The following CFAP54 variants were observed in gnomAD, a reference collection of about 807,000 sequenced individuals.
CFAP54 encodes cilia- and flagella-associated protein 54.
Under a neutral mutation model 370.4 loss-of-function variants are expected in CFAP54, and 290 were observed. That is an observed-to-expected ratio of 0.78 (90% CI 0.71 to 0.86). The LOEUF is 0.86. Among genes scored for constraint, CFAP54 ranks in the 40% least tolerant of loss-of-function variants. CFAP54 has a pLI of 0.00. For synonymous variants in CFAP54, 1,206 were observed against 1,236.5 expected, an observed-to-expected ratio of 0.98 and a Z score of 0.52; for missense variants, 3,399 against 3,528.7, an observed-to-expected ratio of 0.96 and a Z score of 0.93.
intron 40 of CFAP54, among the ~76,000 whole-genome samples, chr12:96,681,450 T>C (rs1957270678): frequency 6.6e-6 from 1 of 151,080 alleles, no homozygotes; most frequent in East Asian, 2.0e-4. Context: ...AGAGGCACAC[T>C]AACACCTTAC....
At chr12:96,624,389 A>C (rs1202026986) in intron 28 of CFAP54, among the ~76,000 whole-genome samples, 1 of 152,240 alleles carries the variant, frequency 6.6e-6, no homozygotes, top group Non-Finnish European at 1.5e-5. Flanking sequence ...ATAAAGGAAT[A>C]GTGTGAGTGT....
At chr12:96,541,982 G>T (rs1955579697) in intron 14 of CFAP54, among the ~76,000 whole-genome samples, 1 of 151,314 alleles carries the variant, frequency 6.6e-6, no homozygotes, top group African/African-American at 2.4e-5. Context: ...ATGGCCTTCT[G>T]CTCTGACCTC....
intron 33 of CFAP54, chr12:96,646,462 G>A (rs924843766): frequency 7.2e-5 from 11 of 152,190 alleles, no homozygotes; most frequent in Non-Finnish European, 1.3e-4. Context: ...GTGCTGGAGA[G>A]GATGTGGAGA....
chr12:96,789,307 G>A (rs780808557), intron 62 of CFAP54, among the ~76,000 whole-genome samples: 1 of 152,218 alleles, frequency 6.6e-6, no homozygotes, highest in Non-Finnish European at 1.5e-5. Flanking sequence ...GAGTGAGGAC[G>A]TGAACAGGCC....
At chr12:96,603,980 C>T (rs1956272988) in intron 26 of CFAP54, among the ~76,000 whole-genome samples, 1 of 152,294 alleles carries the variant, frequency 6.6e-6, no homozygotes, top group Non-Finnish European at 1.5e-5. Flanking sequence ...ACTCATTCTC[C>T]ATCTGGTTTT....
intron 26 of CFAP54, among the ~76,000 whole-genome samples, chr12:96,605,096 T>C (rs1209629748): frequency 6.6e-6 from 1 of 152,246 alleles, no homozygotes; most frequent in Non-Finnish European, 1.5e-5. Flanking sequence ...GCTGTTCCGA[T>C]TCAGCCATCT....
intron 32 of CFAP54, among the ~76,000 whole-genome samples, chr12:96,638,570 A>G (rs556844151): frequency 6.6e-6 from 1 of 152,024 alleles, no homozygotes; most frequent in South Asian, 2.1e-4. Context: ...AATTGTTTTC[A>G]TTCTCATTTA....
intron 64 of CFAP54, among the ~76,000 whole-genome samples, chr12:96,812,613 A>G (rs1486231103): frequency 6.6e-6 from 1 of 152,214 alleles, no homozygotes; most frequent in Non-Finnish European, 1.5e-5. Flanking sequence ...GTGTGTGAAC[A>G]TGCTTTGAAA....
At chr12:96,631,673 AATAAC>A (rs1055246111) in intron 32 of CFAP54, among the ~76,000 whole-genome samples, 31 of 149,816 alleles carry the variant, frequency 2.1e-4, no homozygotes, top group Middle Eastern at 3.6e-3. Context: ...CATAAATATA[AATAAC>A]ATAATTTAAC....
intron 63 of CFAP54, among the ~76,000 whole-genome samples, chr12:96,798,459 A>G (rs1223159759): frequency 6.6e-6 from 1 of 151,408 alleles, no homozygotes; most frequent in Non-Finnish European, 1.5e-5. Context: ...TGCTGTTGAG[A>G]GTTAAGCCGT....
At chr12:96,586,585 A>G (rs966852393) in intron 22 of CFAP54, among the ~76,000 whole-genome samples, 1 of 152,164 alleles carries the variant, frequency 6.6e-6, no homozygotes, top group African/African-American at 2.4e-5. Flanking sequence ...CAAAAGCCCT[A>G]AGGTTTTCAG....
At chr12:96,601,888 T>C (rs1226639855) in intron 26 of CFAP54, among the ~76,000 whole-genome samples, 2 of 152,196 alleles carry the variant, frequency 1.3e-5, no homozygotes, top group African/African-American at 4.8e-5. Flanking sequence ...TCAATTCTGT[T>C]GATCTTTTCA....
At chr12:96,604,970 T>A (rs775346170) in intron 26 of CFAP54, among the ~76,000 whole-genome samples, 2 of 152,186 alleles carry the variant, frequency 1.3e-5, no homozygotes, top group Non-Finnish European at 2.9e-5. Flanking sequence ...TGGCTGGCCC[T>A]CCATGGGCTG....
At chr12:96,659,775 C>T (rs1210168963) in intron 38 of CFAP54, among the ~76,000 whole-genome samples, 1 of 152,206 alleles carries the variant, frequency 6.6e-6, no homozygotes, top group East Asian at 1.9e-4. Flanking sequence ...CCAAGGGCCC[C>T]TGGCATACGT....
chr12:96,799,513 C>G (rs1309322874), intron 63 of CFAP54, among the ~76,000 whole-genome samples: 1 of 152,214 alleles, frequency 6.6e-6, no homozygotes, highest in Non-Finnish European at 1.5e-5. Context: ...GCCTGCCTCT[C>G]TTTGTTCTCC....
At chr12:96,605,902 C>G (rs80130067) in intron 26 of CFAP54, among the ~76,000 whole-genome samples, 31 of 152,022 alleles carry the variant, frequency 2.0e-4, no homozygotes, top group Non-Finnish European at 3.7e-4. Context: ...CTACTGAGAC[C>G]AAGCAGGTAA....
In CFAP54 at chr12:96,663,982, G is replaced by A. The variant is rs150208823; in HGVS notation, c.5563+50G>A. On this transcript the variant is annotated intron_variant, in intron 39 of 67. Coordinates refer to ENST00000524981, the MANE Select transcript of CFAP54 (RefSeq NM_001306084.2). The stretch of plus-strand genomic sequence containing the variant: ...GTTTGTTTTCTCTAAATCGAGGTTT[G>A]CCATTGTGTTCTGCATGTCAAACCT... The A allele has an allele frequency of 4.3e-5, 60 of 1,392,654 alleles. No homozygotes were observed. The African/African-American group carries it at 6.0e-4, about 14-fold the overall frequency. The allele number at this position is 1,392,654 out of a possible 1,614,324, so 86.3% of individuals were successfully genotyped here. A position where few individuals can be genotyped will look rare whatever the true frequency, so the allele number is the denominator to read the frequency against.
chr12:96,791,039 C>G (rs1302281039), intron 62 of CFAP54, among the ~76,000 whole-genome samples: 1 of 152,144 alleles, frequency 6.6e-6, no homozygotes, highest in African/African-American at 2.4e-5. Flanking sequence ...TGGCCACTGA[C>G]AAATACTGCT....
At chr12:96,718,553 GT>G in intron 49 of CFAP54, 31 bp downstream of exon 49, 1 of 1,368,634 alleles carries the variant, frequency 7.3e-7, no homozygotes, top group Non-Finnish European at 1.0e-6. Flanking sequence ...AAACCATTAA[GT>G]TAGTTACCAA....
Sources: gnomAD v4.1 joint callset for allele counts (sites outside exome capture counted in the v4.1 genomes callset) on GRCh38, gnomAD v4.1.1 for gene constraint, MANE v1.5 for transcripts, NCBI Gene and HGNC (gene_info 2026-07-23, HGNC 2026-07-21) for gene names.